Variants in DNAH7 observed in about 807,000 individuals in gnomAD.
DNAH7 encodes axonemal beta dynein heavy chain 7.
A neutral mutation model predicts 444.6 loss-of-function variants in DNAH7; 397 were observed. The ratio of observed to expected loss-of-function variants is 0.89; its 90% CI spans 0.82 to 0.97. The LOEUF (loss-of-function observed/expected upper bound fraction) is 0.97, where lower values mean the gene tolerates loss of function less well. Among genes scored for constraint, DNAH7 ranks in the 50% least tolerant of loss-of-function variants. The pLI, the probability that DNAH7 is intolerant of heterozygous loss-of-function variation, is 0.00. For synonymous variants in DNAH7, 1,636 were observed against 1,624.4 expected (o/e 1.01, Z -0.17); for missense variants, 4,902 against 4,800.8 (o/e 1.02, Z -0.62).
At chr2:195,805,460 A>G (rs1574467979) in intron 54 of DNAH7, among the ~76,000 whole-genome samples, 1 of 152,174 alleles carries the variant, frequency 6.6e-6, no homozygotes, top group East Asian at 1.9e-4. Context: ...GCTTAACACT[A>G]GCATTTTCAT....
At chr2:195,790,410 C>A (rs988537473) in intron 57 of DNAH7, among the ~76,000 whole-genome samples, 2 of 151,398 alleles carry the variant, frequency 1.3e-5, no homozygotes, top group African/African-American at 4.9e-5. Context: ...CATCGTATTC[C>A]CCAACTTTAA....
At chr2:195,762,525 A>G (rs1694394063) in intron 61 of DNAH7, among the ~76,000 whole-genome samples, 1 of 152,162 alleles carries the variant, frequency 6.6e-6, no homozygotes, top group Admixed American at 6.5e-5. Flanking sequence ...GACTGAAAAT[A>G]AAAGGATAAA....
At chr2:195,948,448 C>T (rs1689977115) in intron 19 of DNAH7, among the ~76,000 whole-genome samples, 1 of 152,166 alleles carries the variant, frequency 6.6e-6, no homozygotes, top group Non-Finnish European at 1.5e-5. Flanking sequence ...GTCTTTAATC[C>T]ATCTTGAGTT....
Position 195,903,515 on chromosome 2 carries a change from T to G in DNAH7, c.4336-3021A>C, listed in dbSNP as rs1055559257. On this transcript the variant is annotated intron_variant, in intron 27 of 64. Coordinates refer to ENST00000312428, the MANE Select transcript of DNAH7 (RefSeq NM_018897.3). Reference sequence around the variant, plus strand: ...CTTCTAACAAACTATTCTAAAATGATCATTGACTACTGATTCTTCAGAATA... The same window carrying G: ...CTTCTAACAAACTATTCTAAAATGAGCATTGACTACTGATTCTTCAGAATA... 2.6e-5 allele frequency: 4 copies of G among 152,186 alleles called. No homozygotes were observed. The South Asian group carries it at 6.2e-4, about 24-fold the overall frequency. The allele number at this position is 152,186 out of a possible 1,614,324, so 9.4% of individuals were successfully genotyped here.
chr2:196,042,193 T>C (rs1215271145), intron 5 of DNAH7, among the ~76,000 whole-genome samples: 1 of 151,976 alleles, frequency 6.6e-6, no homozygotes, highest in African/African-American at 2.4e-5. Context: ...TATTAGATTG[T>C]TGCAAAAGTA....
chr2:195,852,095 A>G (rs570336390), intron 46 of DNAH7, among the ~76,000 whole-genome samples: 241 of 152,130 alleles, frequency 1.6e-3, no homozygotes, highest in African/African-American at 5.6e-3. Context: ...CGTCTCTACT[A>G]AAAATACAAA....
intron 7 of DNAH7, among the ~76,000 whole-genome samples, chr2:196,025,797 T>C (rs551027337): frequency 6.6e-6 from 1 of 152,162 alleles, no homozygotes; most frequent in South Asian, 2.1e-4. Flanking sequence ...GGATACTCCA[T>C]AGAAGTCATA....
In DNAH7 at chr2:195,864,146, T is replaced by TA. The variant is rs766031461; in HGVS notation, c.7506+2dup. On this transcript the variant is annotated splice_region_variant and intron_variant, in intron 41 of 64. Transcript: ENST00000312428. The stretch of plus-strand genomic sequence containing the variant: ...AGTCTATCTAAAATGTACATGACAA[T>TA]ACCTGAAACCAGTCAATGGTACAGC... 1 of 1,610,148 alleles carries TA rather than the reference T, an allele frequency of 6.2e-7. No individual in the cohort carries two copies. The highest frequency in any genetic ancestry group is 1.7e-5 in the Admixed American group (1 of 59,908).
chr2:195,926,485 A>C lies in DNAH7; in HGVS notation c.3553T>G (p.Cys1185Gly), dbSNP rs747297545. ...TTTGTCCAAAAGATTTGGGATACAC[A>C]GAGAACAGTCTGTCCAGGCCAATCC... ...VRDWPGQTVL[C>G]VSQIFWTKEV... Residue 1185 changes from cysteine (C) to glycine (G), a missense_variant, in exon 22 of 65, where the codon TGT becomes GGT. Physicochemically the swap from Cys to Gly is radical, Grantham distance 159. Transcript: ENST00000312428. The C allele has an allele frequency of 6.2e-7, 1 of 1,606,530 alleles. No homozygotes were observed.
chr2:195,859,713 CCT>C (rs1490268936), intron 42 of DNAH7, among the ~76,000 whole-genome samples: 25 of 151,994 alleles, frequency 1.6e-4, no homozygotes, highest in African/African-American at 6.0e-4. Flanking sequence ...TGTCAAATTC[CCT>C]GAGTGTGCAA....
chr2:195,960,348 C>T lies in DNAH7; in HGVS notation c.2803G>A (p.Glu935Lys). ...TGTFILASVDEIQMLLDDHII... is the reference protein window; with the variant it reads ...TGTFILASVDKIQMLLDDHII... ...TGGTCATCCAACAACATCTGAATTT[C>T]ATCAACTGATGCCAAAATAAATGTC... Residue 935 changes from glutamate (E) to lysine (K), a missense_variant, in exon 18 of 65, where the codon GAA becomes AAA. By Grantham distance (56) the Glu-to-Lys change is moderately conservative. Transcript: ENST00000312428. 1.2e-6 allele frequency: 2 copies of T among 1,613,958 alleles called. No homozygotes were observed. The highest frequency in any genetic ancestry group is 8.5e-7 in the Non-Finnish European group (1 of 1,180,002).
At chr2:195,973,345 T>C (rs1257062935) in intron 15 of DNAH7, among the ~76,000 whole-genome samples, 1 of 152,216 alleles carries the variant, frequency 6.6e-6, no homozygotes, top group East Asian at 1.9e-4. Context: ...TCTTGTTTTA[T>C]GGGTGGGTAT....
chr2:195,891,597 G>T lies in DNAH7; in HGVS notation c.5046+58C>A, dbSNP rs1003005648. ...TTGTTTGAAAAAAAAATCAGAAATT[G>T]GTCAGAAATAAATATCTTAACCTTT... is the stretch of plus-strand genomic sequence containing the variant. On this transcript the variant is annotated intron_variant, in intron 31 of 64. Coordinates refer to ENST00000312428, the MANE Select transcript of DNAH7 (RefSeq NM_018897.3). 4.3e-6 allele frequency: 6 copies of T among 1,385,856 alleles called. No homozygotes were observed. In the African/African-American group the frequency reaches 5.9e-5, roughly 14 times the overall value. The allele number at this position is 1,385,856 out of a possible 1,614,324, so 85.8% of individuals were successfully genotyped here. A position where few individuals can be genotyped will look rare whatever the true frequency, so the allele number is the denominator to read the frequency against.
chr2:196,026,720 A>T, intron 7 of DNAH7, 40 bp downstream of exon 7: 1 of 1,390,126 alleles, frequency 7.2e-7, no homozygotes, highest in Non-Finnish European at 1.0e-6. Context: ...TTAATGAGAC[A>T]CATATTTGAA....
chr2:195,967,298 T>C (rs780849873), intron 17 of DNAH7, among the ~76,000 whole-genome samples: 71 of 152,328 alleles, frequency 4.7e-4, no homozygotes, highest in Non-Finnish European at 4.1e-4. Context: ...TCTTTATATC[T>C]TTTTGTACTG....
At chr2:195,861,163 G>A (rs341936) in intron 42 of DNAH7, among the ~76,000 whole-genome samples, 7,312 of 152,044 alleles carry the variant, frequency 0.048, 230 homozygotes, top group African/African-American at 0.073. Flanking sequence ...ATGTTATAAT[G>A]TTTTTAAATT....
intron 64 of DNAH7, among the ~76,000 whole-genome samples, chr2:195,739,128 TTTC>T (rs1488370673): frequency 2.0e-5 from 3 of 152,256 alleles, no homozygotes; most frequent in Non-Finnish European, 4.4e-5. Context: ...TATAAATTAA[TTTC>T]TTCTTGTACA....
At chr2:196,029,907 T>C (rs1198881926) in intron 5 of DNAH7, among the ~76,000 whole-genome samples, 1 of 152,176 alleles carries the variant, frequency 6.6e-6, no homozygotes, top group Non-Finnish European at 1.5e-5. Flanking sequence ...TGGTTCAAGA[T>C]GGTGGCATGA....
chr2:195,780,817 A>AT (rs1695337537), intron 58 of DNAH7, among the ~76,000 whole-genome samples: 1 of 152,000 alleles, frequency 6.6e-6, no homozygotes, highest in Non-Finnish European at 1.5e-5. Context: ...TCTCTTGAGA[A>AT]TTTTTTCATC....
Sources: allele counts gnomAD v4.1 joint callset (sites outside exome capture counted in the v4.1 genomes callset), GRCh38; gene constraint gnomAD v4.1.1; transcripts MANE v1.5; gene names NCBI Gene and HGNC (gene_info 2026-07-23, HGNC 2026-07-21).